The following MAPT variants were observed in gnomAD, a reference collection of about 807,000 sequenced individuals.
MAPT encodes the protein microtubule-associated protein tau.
A neutral mutation model predicts 67.9 loss-of-function variants in MAPT; 34 were observed. The ratio of observed to expected loss-of-function variants is 0.50; its 90% confidence interval spans 0.38 to 0.67. The LOEUF is 0.67. Among genes scored for constraint, MAPT ranks in the 30% least tolerant of loss-of-function variants. MAPT has a pLI of 0.00. For synonymous variants in MAPT, 456 were observed against 464.5 expected, an observed-to-expected ratio of 0.98 and a Z score of 0.23; for missense variants, 881 against 1,115.2, an observed-to-expected ratio of 0.79 and a Z score of 2.99.
At chr17:46,016,544 G>A (rs2076193400) in intron 11 of MAPT, among the ~76,000 whole-genome samples, 1 of 152,188 alleles carries the variant, frequency 6.6e-6, no homozygotes, top group Non-Finnish European at 1.5e-5. Flanking sequence ...GGCCAAGGCA[G>A]GCGGATCACG....
chr17:45,998,794 C>T (rs1395912626), intron 9 of MAPT, among the ~76,000 whole-genome samples: 1 of 152,158 alleles, frequency 6.6e-6, no homozygotes, highest in African/African-American at 2.4e-5. Context: ...AGTCCTCATT[C>T]GGTTCTCGAA....
chr17:45,993,784 C>G (rs2074256870), intron 8 of MAPT: 1 of 753,578 alleles, frequency 1.3e-6, no homozygotes, highest in Admixed American at 2.3e-5. Flanking sequence ...GTGGAGAGAC[C>G]CTCCCCCTTG....
chr17:45,941,680 C>CTCCTTCCCTCCTTCCT (rs2067930962), intron 1 of MAPT, among the ~76,000 whole-genome samples: 2 of 47,224 alleles, frequency 4.2e-5, no homozygotes, highest in African/African-American at 1.8e-4. Flanking sequence ...CCCCCCTTCC[C>CTCCTTCCCTCCTTCCT]TCCTTCCTTC....
At chr17:45,933,850 T>TC (rs1246344380) in intron 1 of MAPT, among the ~76,000 whole-genome samples, 2 of 151,692 alleles carry the variant, frequency 1.3e-5, no homozygotes, top group Non-Finnish European at 2.9e-5. Context: ...ATTTTTTTTT[T>TC]TTTTTTTTGC....
intron 1 of MAPT, chr17:45,908,281 T>C (rs769646546): frequency 6.6e-6 from 1 of 152,216 alleles, no homozygotes; most frequent in African/African-American, 2.4e-5. Context: ...CACACACACA[T>C]GCTTTCCGGA....
intron 1 of MAPT, among the ~76,000 whole-genome samples, chr17:45,952,441 G>T (rs763963588): frequency 6.6e-6 from 1 of 152,172 alleles, no homozygotes; most frequent in Non-Finnish European, 1.5e-5. Flanking sequence ...ACAGGCTAAA[G>T]TAGAGTATTT....
chr17:45,915,406 A>G lies in MAPT; in HGVS notation c.-18+20720A>G, dbSNP rs187738091. 7.4e-3 allele frequency among the ~76,000 whole-genome samples: 1,099 copies of G among 148,130 alleles called. 4 individuals are homozygous for G. The highest frequency in any genetic ancestry group is 0.039 in the Middle Eastern group (11 of 280). On this transcript the variant is annotated intron_variant, in intron 1 of 12. Coordinates refer to ENST00000262410, the MANE Select transcript of MAPT (RefSeq NM_001377265.1). This position sits in a 1 kb window ranked among gnomAD's most constrained non-coding sequence, Gnocchi z 4.4. ...AGTTGTGTATGGTGTGTGCATGAGC[A>G]TGTGTGTGGGCATGTGATGTGTGTG...
chr17:45,990,285 C>T lies in MAPT; in HGVS notation c.1605+210C>T, dbSNP rs532702083. Among the ~76,000 whole-genome samples, 7 of 152,318 alleles carry T rather than the reference C, an allele frequency of 4.6e-5. No individual in the cohort carries two copies. In the South Asian group the frequency reaches 1.5e-3, roughly 32 times the overall value. On this transcript the variant is annotated intron_variant, in intron 7 of 12. Transcript: ENST00000262410. ...ACCCCACAGGCTCTCATAGCAGCAG[C>T]TCCTAAGACACCTGGTGGGACCTTG...
chr17:45,910,494 T>C (rs573054664), intron 1 of MAPT, among the ~76,000 whole-genome samples: 51 of 152,180 alleles, frequency 3.4e-4, no homozygotes, highest in African/African-American at 9.9e-4. Flanking sequence ...TTCACTGCTT[T>C]AGCCTAGGGG....
At chr17:45,909,553 AG>A (rs2064596080) in intron 1 of MAPT, among the ~76,000 whole-genome samples, 1 of 151,982 alleles carries the variant, frequency 6.6e-6, no homozygotes, top group Admixed American at 6.6e-5. Flanking sequence ...TGGGCAACAT[AG>A]CAAAACCCTG....
chr17:45,910,764 C>G (rs2064727612), intron 1 of MAPT: 1 of 151,890 alleles, frequency 6.6e-6, no homozygotes, highest in African/African-American at 2.4e-5. Context: ...CAGGAGGCAG[C>G]CGCGGGTGAA....
intron 1 of MAPT, among the ~76,000 whole-genome samples, chr17:45,904,265 T>C (rs1381479076): frequency 2.0e-5 from 1 of 49,006 alleles, no homozygotes; most frequent in East Asian, 6.9e-4. Context: ...TTATATATTA[T>C]ATATATTTTT....
intron 1 of MAPT, among the ~76,000 whole-genome samples, chr17:45,925,260 C>A (rs549661588): frequency 6.6e-6 from 1 of 152,192 alleles, no homozygotes; most frequent in Non-Finnish European, 1.5e-5. Flanking sequence ...TCTTCAGCCC[C>A]TCTCCAGGGT....
rs200710643 is a variant in MAPT, at chr17:45,987,043, G to T, written c.1355G>T (p.Arg452Leu). The change falls in exon 6 of 13, where the codon CGC becomes CTC. Residue 452 changes from arginine to leucine, a missense_variant. Coordinates refer to ENST00000262410, the MANE Select transcript of MAPT (RefSeq NM_001377265.1). ...PVSRVPQLKA[R>L]MVSKSKDGTG... Reference sequence around the variant, plus strand: ...TTCTTATTTTATATTTTATCAGCTCGCATGGTCAGTAAAAGCAAAGACGGG... The same window carrying T: ...TTCTTATTTTATATTTTATCAGCTCTCATGGTCAGTAAAAGCAAAGACGGG... 8 of 1,613,518 alleles carry T rather than the reference G, an allele frequency of 5.0e-6. No individual in the cohort carries two copies. The highest frequency in any genetic ancestry group is 6.8e-6 in the Non-Finnish European group (8 of 1,179,628).
At chr17:45,928,678 A>T (rs2066575002) in intron 1 of MAPT, among the ~76,000 whole-genome samples, 1 of 151,860 alleles carries the variant, frequency 6.6e-6, no homozygotes, top group Non-Finnish European at 1.5e-5. Context: ...TTATATATAC[A>T]TATATATATT....
intron 1 of MAPT, among the ~76,000 whole-genome samples, chr17:45,908,745 C>A (rs1247628801): frequency 1.3e-5 from 2 of 152,170 alleles, no homozygotes; most frequent in African/African-American, 4.8e-5. Context: ...AGCCACCCTC[C>A]CTCTAACTAA....
intron 1 of MAPT, among the ~76,000 whole-genome samples, chr17:45,930,210 G>A (rs141141408): frequency 4.0e-4 from 61 of 152,216 alleles, no homozygotes; most frequent in Admixed American, 2.4e-3. Flanking sequence ...GACCAGCCTG[G>A]CCAACATGGT....
At chr17:46,003,352 C>T (rs973507455) in intron 9 of MAPT, among the ~76,000 whole-genome samples, 10 of 152,184 alleles carry the variant, frequency 6.6e-5, no homozygotes, top group African/African-American at 2.2e-4. Flanking sequence ...AATCTCGGCT[C>T]ACTGCAACCT....
intron 11 of MAPT, 82 bp downstream of exon 11, chr17:46,014,406 T>G: frequency 2.1e-6 from 2 of 952,434 alleles, no homozygotes; most frequent in East Asian, 4.8e-5. Context: ...TGCTCCAGAC[T>G]TCAGAAGGGG....
Sources: gnomAD v4.1 joint callset for allele counts (sites outside exome capture counted in the v4.1 genomes callset) on GRCh38, gnomAD v4.1.1 for gene constraint, Gnocchi (gnomAD v3.1) non-coding constraint, MANE v1.5 for transcripts, NCBI Gene and HGNC (gene_info 2026-07-23, HGNC 2026-07-21) for gene names.